UCN3: variants seen among roughly 807,000 people sequenced by gnomAD.
UCN3 encodes the protein urocortin-3.
A neutral mutation model predicts 3.6 loss-of-function variants in UCN3; 3 were observed. The ratio of observed to expected loss-of-function variants is 0.83; its 90% confidence interval spans 0.38 to 2.15. The LOEUF is 2.15. Among genes scored for constraint, UCN3 ranks in the 30% most tolerant of loss-of-function variants. The pLI is 0.06. For synonymous variants in UCN3, 100 were observed against 93.2 expected (o/e 1.07, Z -0.42); for missense variants, 206 against 208.3 (o/e 0.99, Z 0.07).
Position 5,369,993 on chromosome 10 carries a change from G to GTA in UCN3, c.-6-3720_-6-3719dup, listed in dbSNP as rs782761575. On this transcript the variant is annotated intron_variant, in intron 1 of 1. Coordinates refer to ENST00000380433, the MANE Select transcript of UCN3 (RefSeq NM_053049.4). ...TGTGTATATGCGTGTGTATATGTGT[G>GTA]TATGTGTGTGTGTATGTGTGTGTAT... is the stretch of plus-strand genomic sequence containing the variant. Among the ~76,000 whole-genome samples the GTA allele has an allele frequency of 1.5e-4, 13 of 86,014 alleles. 2 individuals carry two copies. Among genetic ancestry groups the GTA allele is most frequent in the African/African-American group, 4.8e-4 (11 of 22,914 alleles). The allele number at this position is 86,014 out of a possible 152,430, so 56.4% of individuals were successfully genotyped here.
Position 5,373,959 on chromosome 10 carries a change from CTT to C in UCN3, c.241_242del (p.Phe81ProfsTer?), listed in dbSNP as rs1564444884. Reference sequence around the variant, plus strand: ...GAGGAGGAGGGCAAAGAGAAAAAGACTTTCCCCATCTCTGGGGCCAGGGGTGG... The same window carrying C: ...GAGGAGGAGGGCAAAGAGAAAAAGACTCCCCATCTCTGGGGCCAGGGGTGG... On this transcript the variant is annotated frameshift_variant, in exon 2 of 2. Transcript: ENST00000380433. LOFTEE classifies it high-confidence loss of function. 4 of 1,610,702 alleles carry C rather than the reference CTT, an allele frequency of 2.5e-6. No homozygotes were observed. The highest frequency in any genetic ancestry group is 2.7e-5 in the African/African-American group (2 of 74,786).
At chr10:5,370,657 G>GTGTA (rs1831383401) in intron 1 of UCN3, among the ~76,000 whole-genome samples, 1 of 67,474 alleles carries the variant, frequency 1.5e-5, no homozygotes, top group African/African-American at 6.5e-5. Context: ...GTGTGTGTAT[G>GTGTA]TGTGTGTATG....
chr10:5,370,053 A>C (rs1349139788), intron 1 of UCN3, among the ~76,000 whole-genome samples: 1 of 63,904 alleles, frequency 1.6e-5, no homozygotes, highest in Non-Finnish European at 3.4e-5. Context: ...ATGCGTGTGT[A>C]TGTGTGTGTA....
rs1281165693 is a variant in UCN3 at position 5,370,707 on chromosome 10, A to G, written c.-6-3008A>G. The stretch of plus-strand genomic sequence containing the variant: ...TGTGTATGTGTGTATATGTGTGTGT[A>G]TATGATGTGTGTGTATATGCGTGTG... On this transcript the variant is annotated intron_variant, in intron 1 of 1. Transcript: ENST00000380433. Among the ~76,000 whole-genome samples the G allele has an allele frequency of 5.3e-4, 36 of 67,498 alleles. 3 individuals carry two copies. The highest frequency in any genetic ancestry group is 1.5e-3 in the African/African-American group (21 of 14,322). The allele number at this position is 67,498 out of a possible 152,430, so 44.3% of individuals were successfully genotyped here.
At chr10:5,370,727 CGTGTGTATATGT>C (rs1419021970) in intron 1 of UCN3, among the ~76,000 whole-genome samples, 3,838 of 82,274 alleles carry the variant, frequency 0.047, 230 homozygotes, top group South Asian at 0.12. Context: ...TGTGTATATG[CGTGTGTATATGT>C]GTGTGTATAT....
In UCN3 at chr10:5,369,983, GTA is replaced by G. The variant is rs1389768639; in HGVS notation, c.-6-3728_-6-3727del. 4.3e-5 allele frequency among the ~76,000 whole-genome samples: 4 copies of G among 92,066 alleles called. 1 individual carries two copies. The highest frequency in any genetic ancestry group is 6.3e-5 in the Non-Finnish European group (3 of 47,482). 60.4% of individuals were successfully genotyped at this position (92,066 alleles called of 152,430 possible). ...TGTATATGCGTGTGTATATGCGTGT[GTA>G]TATGTGTGTATGTGTGTGTGTATGT... On this transcript the variant is annotated intron_variant, in intron 1 of 1. Transcript: ENST00000380433.
In UCN3 at chr10:5,370,824, C is replaced by CGTGTGTGTGTGT. The variant is rs1564443603; in HGVS notation, c.-6-2890_-6-2889insTGTGTGTGTGTG. 1.2e-4 allele frequency among the ~76,000 whole-genome samples: 10 copies of CGTGTGTGTGTGT among 82,890 alleles called. 1 individual carries two copies. Among genetic ancestry groups the CGTGTGTGTGTGT allele is most frequent in the African/African-American group, 4.8e-4 (10 of 20,902 alleles). The allele number at this position is 82,890 out of a possible 152,430, so 54.4% of individuals were successfully genotyped here. A position where few individuals can be genotyped will look rare whatever the true frequency, so the allele number is the denominator to read the frequency against. On this transcript the variant is annotated intron_variant, in intron 1 of 1. Coordinates refer to ENST00000380433, the MANE Select transcript of UCN3 (RefSeq NM_053049.4). ...GTATATGTGTGTGTGCGTGTGTGTG[C>CGTGTGTGTGTGT]GCGCGTGTGTGTGCGCGTGTGTGTG...
chr10:5,374,074 C>T lies in UCN3; in HGVS notation c.354C>T (p.Thr118=). 1 of 1,613,726 alleles carries T rather than the reference C, an allele frequency of 6.2e-7. No homozygotes were observed. The highest frequency in any genetic ancestry group is 8.5e-7 in the Non-Finnish European group (1 of 1,179,906). ...RQDTAKSPHR[T]KFTLSLDVPT... ...ACACGGCCAAGAGTCCCCACCGCACCAAGTTCACCCTGTCCCTCGACGTCC... is the reference window on the plus strand; with the variant it reads ...ACACGGCCAAGAGTCCCCACCGCACTAAGTTCACCCTGTCCCTCGACGTCC... Residue 118 remains threonine, a synonymous_variant, in exon 2 of 2, where the codon ACC becomes ACT. Coordinates refer to ENST00000380433, the MANE Select transcript of UCN3 (RefSeq NM_053049.4).
At chr10:5,369,929 G>GTGTGTGTATA (rs1831322789) in intron 1 of UCN3, among the ~76,000 whole-genome samples, 1 of 87,956 alleles carries the variant, frequency 1.1e-5, no homozygotes, top group Non-Finnish European at 2.5e-5. Flanking sequence ...GTGTGTATGT[G>GTGTGTGTATA]TGTGTGTGTA....
rs1554811135 is a variant in UCN3, at chr10:5,370,188, TATGC to T, written c.-6-3526_-6-3523del. Among the ~76,000 whole-genome samples, 464 of 81,670 alleles carry T rather than the reference TATGC, an allele frequency of 5.7e-3. 56 individuals are homozygous for T. The highest frequency in any genetic ancestry group is 8.6e-3 in the Middle Eastern group (1 of 116). The allele number at this position is 81,670 out of a possible 152,430, so 53.6% of individuals were successfully genotyped here. ...ATATGTGTGTGTATATGCGTGTGTA[TATGC>T]GTGTGTATATGCGTGTGTATGTGTG... is the stretch of plus-strand genomic sequence containing the variant. On this transcript the variant is annotated intron_variant, in intron 1 of 1. Coordinates refer to ENST00000380433, the MANE Select transcript of UCN3 (RefSeq NM_053049.4).
rs1834129027 is a variant in UCN3, at chr10:5,367,617, G to A, written c.-7+2387G>A. On this transcript the variant is annotated intron_variant, in intron 1 of 1. Transcript: ENST00000380433. This position sits in a 1 kb window ranked among gnomAD's most constrained non-coding sequence, Gnocchi z 4.3. ...AAGGCTTGGCATATTTAGCAGAAAT[G>A]GAGACACCAAAGAAATATAACACCC... Among the ~76,000 whole-genome samples the A allele has an allele frequency of 6.6e-6, 1 of 152,140 alleles. No individual in the cohort carries two copies. Among genetic ancestry groups the A allele is most frequent in the East Asian group, 1.9e-4 (1 of 5,202 alleles).
rs1831326715 is a variant in UCN3 at position 5,369,983 on chromosome 10, GTATATGTGTGTA to G, written c.-6-3730_-6-3719del. Among the ~76,000 whole-genome samples the G allele has an allele frequency of 2.2e-5, 2 of 92,076 alleles. 1 individual carries two copies. Among genetic ancestry groups the G allele is most frequent in the South Asian group, 9.2e-4 (2 of 2,180 alleles). The allele number at this position is 92,076 out of a possible 152,430, so 60.4% of individuals were successfully genotyped here. A position where few individuals can be genotyped will look rare whatever the true frequency, so the allele number is the denominator to read the frequency against. The stretch of plus-strand genomic sequence containing the variant: ...TGTATATGCGTGTGTATATGCGTGT[GTATATGTGTGTA>G]TGTGTGTGTGTATGTGTGTGTATAT... On this transcript the variant is annotated intron_variant, in intron 1 of 1. Transcript: ENST00000380433.
chr10:5,367,785 G>A lies in UCN3; in HGVS notation c.-7+2555G>A, dbSNP rs1278839250. ...TCTCAGTAATATTTGCAATTATTCT[G>A]CAAAGTTCTAAGTGCTTGAGGGTAA... On this transcript the variant is annotated intron_variant, in intron 1 of 1. Transcript: ENST00000380433. This position sits in a 1 kb window ranked among gnomAD's most constrained non-coding sequence, Gnocchi z 4.3. Among the ~76,000 whole-genome samples the A allele has an allele frequency of 6.6e-6, 1 of 152,182 alleles. No homozygotes were observed. The highest frequency in any genetic ancestry group is 1.5e-5 in the Non-Finnish European group (1 of 68,028).
intron 1 of UCN3, among the ~76,000 whole-genome samples, chr10:5,370,477 GTA>G (rs782756395): frequency 3.8e-5 from 4 of 104,994 alleles, no homozygotes; most frequent in African/African-American, 3.9e-5. Context: ...ATATGCGTGT[GTA>G]TATGTGTGTA....
chr10:5,370,366 CGTGTGTATATGCGTGTATATGCGT>C (rs1831358678), intron 1 of UCN3, among the ~76,000 whole-genome samples: 2 of 6,894 alleles, frequency 2.9e-4, no homozygotes, highest in African/African-American at 9.7e-4. Flanking sequence ...TGTGTATATG[CGTGTGTATATGCGTGTATATGCGT>C]GTGTATATGT....
chr10:5,369,998 T>C (rs1277388054), intron 1 of UCN3, among the ~76,000 whole-genome samples: 7 of 59,254 alleles, frequency 1.2e-4, no homozygotes, highest in Middle Eastern at 5.6e-3. Flanking sequence ...TGTGTGTATG[T>C]GTGTGTGTAT....
In UCN3 at chr10:5,368,745, CTATT is replaced by C. The variant is rs540278452; in HGVS notation, c.-7+3519_-7+3522del. 1.8e-4 allele frequency among the ~76,000 whole-genome samples: 27 copies of C among 152,278 alleles called. No homozygotes were observed. The East Asian group carries it at 3.3e-3, about 18-fold the overall frequency. ...GGCAGCTAAAACCATGCTTCATACT[CTATT>C]TATGAAAAACAACTCATTAGGTCCT... On this transcript the variant is annotated intron_variant, in intron 1 of 1. Coordinates refer to ENST00000380433, the MANE Select transcript of UCN3 (RefSeq NM_053049.4).
chr10:5,370,231 G>GTA lies in UCN3; in HGVS notation c.-6-3483_-6-3482insAT, dbSNP rs1831349136. On this transcript the variant is annotated intron_variant, in intron 1 of 1. Transcript: ENST00000380433. ...TGTGTATGTGTGTGTATGTGCGTGTGTGTATGCGTGTGTGTATGCGTGTGT... is the reference window on the plus strand; with the variant it reads ...TGTGTATGTGTGTGTATGTGCGTGTGTATGTATGCGTGTGTGTATGCGTGTGT... Among the ~76,000 whole-genome samples, 6 of 100,976 alleles carry GTA rather than the reference G, an allele frequency of 5.9e-5. 2 individuals are homozygous for GTA. The highest frequency in any genetic ancestry group is 1.6e-4 in the African/African-American group (4 of 24,448). 66.2% of individuals were successfully genotyped at this position (100,976 alleles called of 152,430 possible).
Position 5,370,310 on chromosome 10 carries a change from C to CGTGT in UCN3, c.-6-3404_-6-3401dup, listed in dbSNP as rs1379330337. On this transcript the variant is annotated intron_variant, in intron 1 of 1. Coordinates refer to ENST00000380433, the MANE Select transcript of UCN3 (RefSeq NM_053049.4). ...GCGTGTGTGTATGCGTGTGTATATG[C>CGTGT]GTGTATGTGTGTGTATATGCGTGTG... Among the ~76,000 whole-genome samples the CGTGT allele has an allele frequency of 4.4e-4, 3 of 6,812 alleles. 1 individual carries two copies. Among genetic ancestry groups the CGTGT allele is most frequent in the Non-Finnish European group, 7.9e-4 (3 of 3,806 alleles). The allele number at this position is 6,812 out of a possible 152,430, so 4.5% of individuals were successfully genotyped here.
Sources: allele counts gnomAD v4.1 joint callset (sites outside exome capture counted in the v4.1 genomes callset), GRCh38; gene constraint gnomAD v4.1.1; non-coding constraint Gnocchi (gnomAD v3.1); transcripts MANE v1.5; gene names NCBI Gene and HGNC (gene_info 2026-07-23, HGNC 2026-07-21).